Variants in ERBB4 observed in about 807,000 individuals in gnomAD.
The protein encoded by ERBB4 is receptor tyrosine-protein kinase erbB-4.
ERBB4 carries 42 observed loss-of-function variants against 158.0 expected under a neutral mutation model. The ratio of observed to expected loss-of-function variants is 0.27; its 90% CI spans 0.21 to 0.34. ERBB4 has a LOEUF of 0.34. Among genes scored for constraint, ERBB4 ranks in the 10% least tolerant of loss-of-function variants. The pLI, the probability that ERBB4 is intolerant of heterozygous loss-of-function variation, is 1.00. For synonymous variants in ERBB4, 583 were observed against 558.7 expected (o/e 1.04, Z -0.61); for missense variants, 1,333 against 1,624.1 (o/e 0.82, Z 3.08).
At chr2:212,401,270 C>T (rs1419908605) in intron 1 of ERBB4, among the ~76,000 whole-genome samples, 1 of 152,024 alleles carries the variant, frequency 6.6e-6, no homozygotes, top group Non-Finnish European at 1.5e-5. Context: ...AGAATTTCTT[C>T]ATTTGTAAAA....
At chr2:211,743,989 C>A (rs1334150738) in intron 5 of ERBB4, among the ~76,000 whole-genome samples, 1 of 152,172 alleles carries the variant, frequency 6.6e-6, no homozygotes, top group Non-Finnish European at 1.5e-5. Context: ...TTTAGAAAAT[C>A]AGACTCATGA....
intron 25 of ERBB4, among the ~76,000 whole-genome samples, chr2:211,412,823 G>A (rs1050919261): frequency 4.6e-5 from 7 of 151,700 alleles, no homozygotes; most frequent in Non-Finnish European, 7.4e-5. Context: ...GTGTGGTGGC[G>A]TGTGCCTGTA....
At chr2:212,298,771 A>C (rs2086512386) in intron 1 of ERBB4, among the ~76,000 whole-genome samples, 1 of 151,816 alleles carries the variant, frequency 6.6e-6, no homozygotes, top group South Asian at 2.1e-4. Context: ...ACGCAATAGC[A>C]AAATGATTTT....
At chr2:211,887,397 C>T (rs549336549) in intron 3 of ERBB4, among the ~76,000 whole-genome samples, 1 of 152,002 alleles carries the variant, frequency 6.6e-6, no homozygotes, top group South Asian at 2.1e-4. Context: ...AGATTTCACA[C>T]AGTTAACCCA....
intron 20 of ERBB4, among the ~76,000 whole-genome samples, chr2:211,457,915 C>T (rs1468840244): frequency 6.6e-6 from 1 of 152,220 alleles, no homozygotes; most frequent in African/African-American, 2.4e-5. Flanking sequence ...ATCACGTTAA[C>T]TCACAAAATT....
chr2:212,343,784 G>T (rs1411762835), intron 1 of ERBB4, among the ~76,000 whole-genome samples: 1 of 152,096 alleles, frequency 6.6e-6, no homozygotes, highest in African/African-American at 2.4e-5. Flanking sequence ...TTCACTGGTT[G>T]ACTAGGTTAA....
chr2:212,531,748 G>T (rs367727845), intron 1 of ERBB4, among the ~76,000 whole-genome samples: 1 of 151,976 alleles, frequency 6.6e-6, no homozygotes, highest in Non-Finnish European at 1.5e-5. Context: ...AGAAAGAAAA[G>T]AAACTCTTAA....
chr2:211,623,738 G>A (rs561611823), intron 18 of ERBB4, among the ~76,000 whole-genome samples, 184 bp downstream of exon 18: 6 of 152,190 alleles, frequency 3.9e-5, no homozygotes, highest in African/African-American at 1.2e-4. Context: ...GACTGTATCC[G>A]TCCCAGCTCA....
chr2:211,516,170 C>G (rs2125628082), intron 20 of ERBB4, among the ~76,000 whole-genome samples: 1 of 151,574 alleles, frequency 6.6e-6, no homozygotes, highest in African/African-American at 2.4e-5. Context: ...CCCGCCTCGG[C>G]CTCCCAAAGT....
intron 3 of ERBB4, among the ~76,000 whole-genome samples, chr2:211,895,125 A>T (rs1005969264): frequency 6.6e-6 from 1 of 152,290 alleles, no homozygotes; most frequent in South Asian, 2.1e-4. Context: ...CCTTGCAGTT[A>T]GGTGGGACCA....
intron 20 of ERBB4, among the ~76,000 whole-genome samples, chr2:211,537,280 A>C (rs1574699685): frequency 1.3e-5 from 2 of 151,188 alleles, no homozygotes; most frequent in East Asian, 4.0e-4. Flanking sequence ...TAAACAGAAA[A>C]AATGAATAAA....
chr2:211,431,988 G>C (rs149633330), intron 20 of ERBB4, among the ~76,000 whole-genome samples: 2 of 151,842 alleles, frequency 1.3e-5, no homozygotes, highest in East Asian at 1.9e-4. Flanking sequence ...GTAAACTAAG[G>C]GTTGCTAAAC....
At chr2:211,388,829 T>G (rs1389031271) in intron 25 of ERBB4, among the ~76,000 whole-genome samples, 1 of 152,188 alleles carries the variant, frequency 6.6e-6, no homozygotes, top group African/African-American at 2.4e-5. Flanking sequence ...TGTATAATAC[T>G]AATTCTGTTT....
intron 1 of ERBB4, among the ~76,000 whole-genome samples, chr2:212,180,008 G>A (rs938765960): frequency 2.0e-5 from 3 of 151,646 alleles, no homozygotes; most frequent in East Asian, 1.9e-4. Context: ...ATTATTTGAT[G>A]CATATTATCA....
chr2:212,079,554 CTT>C (rs1237709874), intron 2 of ERBB4, among the ~76,000 whole-genome samples: 1 of 149,180 alleles, frequency 6.7e-6, no homozygotes, highest in Non-Finnish European at 1.5e-5. Context: ...ATTTCAATAA[CTT>C]AATATAAGGG....
chr2:211,966,354 G>A (rs974458358), intron 2 of ERBB4, among the ~76,000 whole-genome samples: 1 of 152,186 alleles, frequency 6.6e-6, no homozygotes. Context: ...TGATTCTCCT[G>A]CCTCAGCCTC....
At chr2:212,436,683 G>A (rs1208225247) in intron 1 of ERBB4, among the ~76,000 whole-genome samples, 1 of 151,980 alleles carries the variant, frequency 6.6e-6, no homozygotes, top group Non-Finnish European at 1.5e-5. Context: ...TATTTATTCA[G>A]CTCAAGTAAC....
intron 1 of ERBB4, among the ~76,000 whole-genome samples, chr2:212,498,242 T>A (rs1452123120): frequency 6.6e-6 from 1 of 152,046 alleles, no homozygotes; most frequent in African/African-American, 2.4e-5. Flanking sequence ...CTCCAGTCTT[T>A]CAAATGGAAG....
intron 1 of ERBB4, among the ~76,000 whole-genome samples, chr2:212,231,448 G>A (rs1020201729): frequency 5.3e-5 from 8 of 152,078 alleles, no homozygotes; most frequent in African/African-American, 1.9e-4. Context: ...AGACTGAAAC[G>A]GCAAAGTGCC....
Sources: allele counts gnomAD v4.1 joint callset (sites outside exome capture counted in the v4.1 genomes callset), GRCh38; gene constraint gnomAD v4.1.1; transcripts MANE v1.5; gene names NCBI Gene and HGNC (gene_info 2026-07-23, HGNC 2026-07-21).